Variants in JAM2 observed in about 807,000 individuals in gnomAD.
The protein encoded by JAM2 is junctional adhesion molecule B.
Under a neutral mutation model 42.0 loss-of-function variants are expected in JAM2, and 17 were observed. That is an observed-to-expected ratio of 0.40 (90% CI 0.28 to 0.61). JAM2 has a LOEUF of 0.61. JAM2 is among the 20% of genes least tolerant of loss of function. JAM2 has a pLI of 0.37. For synonymous variants in JAM2, 118 were observed against 128.6 expected, an observed-to-expected ratio of 0.92 and a Z score of 0.56; for missense variants, 319 against 358.3, an observed-to-expected ratio of 0.89 and a Z score of 0.89.
At chr21:25,685,382 CAT>C (rs1038167659) in intron 2 of JAM2, among the ~76,000 whole-genome samples, 14 of 151,758 alleles carry the variant, frequency 9.2e-5, no homozygotes, top group African/African-American at 3.4e-4. Flanking sequence ...ATTAGACAGA[CAT>C]GTGGTGCACA....
At chr21:25,667,397 C>T (rs141987797) in intron 1 of JAM2, among the ~76,000 whole-genome samples, 226 of 152,280 alleles carry the variant, frequency 1.5e-3, no homozygotes, top group African/African-American at 4.5e-3. Context: ...TATCTCATCA[C>T]GTCGGCATTT....
intron 1 of JAM2, among the ~76,000 whole-genome samples, chr21:25,683,116 G>A (rs907178540): frequency 4.0e-5 from 6 of 150,802 alleles, no homozygotes; most frequent in African/African-American, 1.5e-4. Context: ...CAGGCCTGAG[G>A]GTGGGGCCTT....
Position 25,698,872 on chromosome 21 carries a change from G to C in JAM2, c.590G>C (p.Gly197Ala), listed in dbSNP as rs762807331. Residue 197 changes from glycine to alanine, a missense_variant, in exon 5 of 10, where the codon GGA becomes GCA. Gly to Ala is a moderately conservative substitution (Grantham distance 60). Coordinates refer to ENST00000480456, the MANE Select transcript of JAM2 (RefSeq NM_021219.4). ...NSSYTMNTKT[G>A]TLQFNTVSKL... ...TCATACACAATGAATACAAAAACTGGAACTCTGGTAAGGTCATTTCAAGAT... is the reference window on the plus strand; with the variant it reads ...TCATACACAATGAATACAAAAACTGCAACTCTGGTAAGGTCATTTCAAGAT... 1.2e-6 allele frequency: 2 copies of C among 1,613,612 alleles called. No homozygotes were observed. The highest frequency in any genetic ancestry group is 2.7e-5 in the African/African-American group (2 of 74,886).
At chr21:25,655,647 A>ATTTT (rs536746237) in intron 1 of JAM2, among the ~76,000 whole-genome samples, 9 of 90,782 alleles carry the variant, frequency 9.9e-5, no homozygotes, top group Non-Finnish European at 1.5e-4. Context: ...CGCCCAGCTA[A>ATTTT]TTTTTTTTTT....
chr21:25,642,577 A>G (rs561262358), intron 1 of JAM2, among the ~76,000 whole-genome samples: 1 of 152,186 alleles, frequency 6.6e-6, no homozygotes, highest in Non-Finnish European at 1.5e-5. Flanking sequence ...CTTTCTTAGT[A>G]GTCTGGAGGA....
At chr21:25,645,750 G>A (rs1455823728) in intron 1 of JAM2, among the ~76,000 whole-genome samples, 2 of 152,150 alleles carry the variant, frequency 1.3e-5, no homozygotes, top group African/African-American at 4.8e-5. Context: ...AGATGGTAGA[G>A]CCTGCTGCAC....
intron 1 of JAM2, among the ~76,000 whole-genome samples, chr21:25,653,300 C>T (rs901942607): frequency 3.9e-5 from 6 of 152,114 alleles, no homozygotes; most frequent in African/African-American, 1.4e-4. Context: ...CCCTAAATAC[C>T]ATTCCACACT....
intron 1 of JAM2, among the ~76,000 whole-genome samples, chr21:25,649,347 A>G (rs2032705707): frequency 1.3e-5 from 2 of 152,208 alleles, no homozygotes; most frequent in African/African-American, 4.8e-5. Context: ...CAGAAGGGGA[A>G]GCAAACACAT....
intron 6 of JAM2, among the ~76,000 whole-genome samples, chr21:25,705,606 AT>A (rs1360391563): frequency 1.3e-5 from 2 of 152,136 alleles, no homozygotes; most frequent in African/African-American, 2.4e-5. Context: ...ATGTAGGAGA[AT>A]TTTAAGTAAG....
At chr21:25,704,770 G>C (rs1384497557) in intron 6 of JAM2, among the ~76,000 whole-genome samples, 1 of 152,172 alleles carries the variant, frequency 6.6e-6, no homozygotes, top group Non-Finnish European at 1.5e-5. Context: ...CCCATGCTCA[G>C]AGAATGTTAA....
chr21:25,711,576 C>A, intron 8 of JAM2: 1 of 344,164 alleles, frequency 2.9e-6, no homozygotes, highest in Non-Finnish European at 5.6e-6. Flanking sequence ...CTCGTAAGAT[C>A]CTAATACAAG....
chr21:25,702,239 C>T lies in JAM2; in HGVS notation c.667C>T (p.Arg223Cys), dbSNP rs766898080. The T allele has an allele frequency of 9.4e-6, 15 of 1,596,134 alleles. No homozygotes were observed. Among genetic ancestry groups the T allele is most frequent in the Admixed American group, 3.3e-5 (2 of 59,824 alleles). The change falls in exon 6 of 10, where the codon CGC (arginine) becomes TGC (cysteine). Residue 223 changes from arginine (R) to cysteine (C), a missense_variant. Arg to Cys is a radical substitution (Grantham distance 180). Coordinates refer to ENST00000480456, the MANE Select transcript of JAM2 (RefSeq NM_021219.4). Reference sequence around the variant, plus strand: ...TGAAGCCCGCAATTCTGTTGGATATCGCAGGTGTCCTGGGAAACGAATGCA... The same window carrying T: ...TGAAGCCCGCAATTCTGTTGGATATTGCAGGTGTCCTGGGAAACGAATGCA... ...SCEARNSVGY[R>C]RCPGKRMQVD... is the part of the protein sequence containing the mutation.
At chr21:25,712,422 T>TG in intron 9 of JAM2, 40 bp downstream of exon 9, 3 of 1,392,292 alleles carry the variant, frequency 2.2e-6, no homozygotes, top group Non-Finnish European at 3.1e-6. Context: ...TGAATATGTT[T>TG]GGGGAATAGG....
rs932926574 is a variant in JAM2 at position 25,663,573 on chromosome 21, G to C, written c.68-20310G>C. Reference sequence around the variant, plus strand: ...ACCCATTCATAGATTAACAATTTAAGGAATTAATGAGTTATCATAGGAGCG... The same window carrying C: ...ACCCATTCATAGATTAACAATTTAACGAATTAATGAGTTATCATAGGAGCG... On this transcript the variant is annotated intron_variant, in intron 1 of 9. Coordinates refer to ENST00000480456, the MANE Select transcript of JAM2 (RefSeq NM_021219.4). Among the ~76,000 whole-genome samples, 8 of 152,230 alleles carry C rather than the reference G, an allele frequency of 5.3e-5. 1 individual carries two copies. The highest frequency in any genetic ancestry group is 1.3e-4 in the Admixed American group (2 of 15,300).
At chr21:25,652,140 C>T (rs1039919756) in intron 1 of JAM2, among the ~76,000 whole-genome samples, 1 of 152,038 alleles carries the variant, frequency 6.6e-6, no homozygotes, top group Admixed American at 6.6e-5. Flanking sequence ...AATCCCCATA[C>T]TTTGGGAGGC....
intron 4 of JAM2, among the ~76,000 whole-genome samples, chr21:25,696,890 G>A (rs1428016888): frequency 6.6e-6 from 1 of 151,970 alleles, no homozygotes; most frequent in African/African-American, 2.4e-5. Context: ...TTGTTGTTTT[G>A]AGACAAAATT....
At chr21:25,679,065 A>G (rs2033567285) in intron 1 of JAM2, among the ~76,000 whole-genome samples, 1 of 152,174 alleles carries the variant, frequency 6.6e-6, no homozygotes, top group African/African-American at 2.4e-5. Flanking sequence ...TGGCCTCTCA[A>G]AGTAGTTCTG....
rs549026583 is a variant in JAM2 at position 25,657,921 on chromosome 21, CA to C, written c.67+18038del. 4.6e-3 allele frequency among the ~76,000 whole-genome samples: 703 copies of C among 152,064 alleles called. 5 individuals are homozygous for C. The highest frequency in any genetic ancestry group is 0.016 in the African/African-American group (678 of 41,472). The stretch of plus-strand genomic sequence containing the variant: ...TGGAAGGAAGCAAGAAAATAGGCTC[CA>C]AAAATGCTGGATATTCATAAAGTTG... On this transcript the variant is annotated intron_variant, in intron 1 of 9. Coordinates refer to ENST00000480456, the MANE Select transcript of JAM2 (RefSeq NM_021219.4).
chr21:25,717,351 T>C lies in JAM2; in HGVS notation c.*2679T>C, dbSNP rs1032728203. 19 of 207,796 alleles carry C rather than the reference T, an allele frequency of 9.1e-5. No individual in the cohort carries two copies. The highest frequency in any genetic ancestry group is 1.5e-4 in the Non-Finnish European group (16 of 105,284). The allele number at this position is 207,796 out of a possible 1,614,324, so 12.9% of individuals were successfully genotyped here. A position where few individuals can be genotyped will look rare whatever the true frequency, so the allele number is the denominator to read the frequency against. ...TTTGACTTTATTTTCCTGCAGTGAA[T>C]TGTGTTGTGTAAAGATTAGGGCTTT... On this transcript the variant is annotated 3_prime_UTR_variant, in exon 10 of 10. Transcript: ENST00000480456.
Sources: gnomAD v4.1 joint callset for allele counts (sites outside exome capture counted in the v4.1 genomes callset) on GRCh38, gnomAD v4.1.1 for gene constraint, MANE v1.5 for transcripts, NCBI Gene and HGNC (gene_info 2026-07-23, HGNC 2026-07-21) for gene names.